The following CYB5A variants were observed in gnomAD, a reference collection of about 807,000 sequenced individuals.
CYB5A encodes cytochrome b5.
A neutral mutation model predicts 16.2 loss-of-function variants in CYB5A; 10 were observed. The ratio of observed to expected loss-of-function variants is 0.62; its 90% confidence interval spans 0.38 to 1.04. The LOEUF is 1.04. Among genes scored for constraint, CYB5A ranks in the 50% least tolerant of loss-of-function variants. The pLI, the probability that CYB5A is intolerant of heterozygous loss-of-function variation, is 0.01. For synonymous variants in CYB5A, 62 were observed against 57.0 expected, an observed-to-expected ratio of 1.09 and a Z score of -0.40; for missense variants, 161 against 165.9, an observed-to-expected ratio of 0.97 and a Z score of 0.16.
chr18:74,276,559 CA>C (rs1454599273), intron 1 of CYB5A, among the ~76,000 whole-genome samples: 38 of 151,592 alleles, frequency 2.5e-4, no homozygotes, highest in African/African-American at 8.5e-4. Flanking sequence ...CACACACACA[CA>C]CACCCTTCTG....
chr18:74,271,386 T>C (rs1982661642), intron 1 of CYB5A, among the ~76,000 whole-genome samples: 1 of 152,140 alleles, frequency 6.6e-6, no homozygotes, highest in Admixed American at 6.6e-5. Context: ...TGAGTGACTT[T>C]CCCTGAGGGC....
intron 1 of CYB5A, among the ~76,000 whole-genome samples, chr18:74,289,776 CAAAAAAAAA>C (rs531814328): frequency 2.2e-5 from 2 of 91,216 alleles, no homozygotes; most frequent in African/African-American, 8.0e-5. Flanking sequence ...AACTCTGTCT[CAAAAAAAAA>C]AAAAAAAAAA....
At chr18:74,270,345 A>G (rs1568219071) in intron 1 of CYB5A, among the ~76,000 whole-genome samples, 1 of 152,128 alleles carries the variant, frequency 6.6e-6, no homozygotes, top group Non-Finnish European at 1.5e-5. Context: ...GCTTGAGGCA[A>G]GAAGTTCAAT....
At chr18:74,288,994 G>A (rs865900521) in intron 1 of CYB5A, among the ~76,000 whole-genome samples, 1 of 152,160 alleles carries the variant, frequency 6.6e-6, no homozygotes, top group Non-Finnish European at 1.5e-5. Context: ...AGGCAGAAAC[G>A]CATGCAGTTC....
chr18:74,264,516 C>T (rs1982355826), intron 1 of CYB5A, among the ~76,000 whole-genome samples: 2 of 152,156 alleles, frequency 1.3e-5, no homozygotes, highest in Non-Finnish European at 2.9e-5. Flanking sequence ...CTCTGGAAAG[C>T]ACCCTGCGTG....
At chr18:74,274,888 A>T (rs1982806825) in intron 1 of CYB5A, among the ~76,000 whole-genome samples, 1 of 152,232 alleles carries the variant, frequency 6.6e-6, no homozygotes, top group Non-Finnish European at 1.5e-5. Context: ...AATTGACAGC[A>T]GAGGCTTCCG....
intron 1 of CYB5A, among the ~76,000 whole-genome samples, chr18:74,265,192 G>A (rs1289122415): frequency 2.0e-5 from 3 of 152,150 alleles, no homozygotes. Flanking sequence ...AACATACCTA[G>A]TGCTAAGGAC....
chr18:74,263,284 G>A, intron 2 of CYB5A, 65 bp downstream of exon 2: 2 of 1,605,370 alleles, frequency 1.2e-6, no homozygotes, highest in Non-Finnish European at 1.7e-6. Flanking sequence ...CAAGCTTACA[G>A]ACTAGGGTAA....
At chr18:74,288,269 C>A (rs1573485) in intron 1 of CYB5A, among the ~76,000 whole-genome samples, 4,534 of 152,304 alleles carry the variant, frequency 0.03, 184 homozygotes, top group East Asian at 0.18. Flanking sequence ...CACCATCTCA[C>A]CACACACCTT....
chr18:74,278,809 G>T (rs1297131257), intron 1 of CYB5A, among the ~76,000 whole-genome samples: 1 of 152,208 alleles, frequency 6.6e-6, no homozygotes, highest in African/African-American at 2.4e-5. Flanking sequence ...TTTTAGAACT[G>T]AATTAGTAAA....
intron 1 of CYB5A, among the ~76,000 whole-genome samples, chr18:74,282,442 G>A (rs1983150941): frequency 6.6e-6 from 1 of 152,132 alleles, no homozygotes; most frequent in Non-Finnish European, 1.5e-5. Context: ...ACAGAGCAGG[G>A]GCTCGTATCT....
chr18:74,264,713 G>T (rs552189935), intron 1 of CYB5A, among the ~76,000 whole-genome samples: 3 of 152,304 alleles, frequency 2.0e-5, no homozygotes, highest in South Asian at 4.1e-4. Context: ...GGGGAGAGGC[G>T]GGAAGAGCCT....
Position 74,252,035 on chromosome 18 carries a change from T to C in CYB5A, c.*1549A>G, listed in dbSNP as rs1981789986. ...TAGCTAAAAATCACAACCAAAAATA[T>C]TGAAATATTTACATAGGTCCCTTAA... On this transcript the variant is annotated 3_prime_UTR_variant, in exon 5 of 5. Transcript: ENST00000340533. The C allele has an allele frequency of 6.6e-6, 1 of 152,208 alleles. No individual in the cohort carries two copies. Among genetic ancestry groups the C allele is most frequent in the East Asian group, 1.9e-4 (1 of 5,200 alleles). 9.4% of individuals were successfully genotyped at this position (152,208 alleles called of 1,614,324 possible).
intron 1 of CYB5A, among the ~76,000 whole-genome samples, chr18:74,281,513 G>T (rs1377957275): frequency 6.6e-6 from 1 of 152,134 alleles, no homozygotes; most frequent in African/African-American, 2.4e-5. Context: ...ACCCAGGAGG[G>T]TGAGCATCTA....
chr18:74,253,282 G>A lies in CYB5A; in HGVS notation c.*302C>T. The A allele has an allele frequency of 2.8e-6, 1 of 351,584 alleles. No homozygotes were observed. The highest frequency in any genetic ancestry group is 2.3e-5 in the South Asian group (1 of 43,780). The allele number at this position is 351,584 out of a possible 1,614,324, so 21.8% of individuals were successfully genotyped here. On this transcript the variant is annotated 3_prime_UTR_variant, in exon 5 of 5. Coordinates refer to ENST00000340533, the MANE Select transcript of CYB5A (RefSeq NM_148923.4). ...TTAAAGACAATTATACACCAAACAG[G>A]CAAACACGGTGCATACTTTAAAAGC...
At chr18:74,277,007 T>C (rs1982908113) in intron 1 of CYB5A, among the ~76,000 whole-genome samples, 1 of 152,216 alleles carries the variant, frequency 6.6e-6, no homozygotes, top group African/African-American at 2.4e-5. Context: ...GGATCTTTCA[T>C]TCCAAATGCT....
At chr18:74,289,233 T>C (rs898721369) in intron 1 of CYB5A, among the ~76,000 whole-genome samples, 1 of 152,244 alleles carries the variant, frequency 6.6e-6, no homozygotes, top group Non-Finnish European at 1.5e-5. Flanking sequence ...ACTCAAGAGC[T>C]TGCTCTCATC....
intron 1 of CYB5A, among the ~76,000 whole-genome samples, chr18:74,280,976 G>A (rs1308993921): frequency 6.6e-6 from 1 of 152,174 alleles, no homozygotes; most frequent in African/African-American, 2.4e-5. Context: ...CTATTATGGT[G>A]AGAATATGCT....
At chr18:74,265,701 T>C (rs529832554) in intron 1 of CYB5A, among the ~76,000 whole-genome samples, 10 of 152,358 alleles carry the variant, frequency 6.6e-5, no homozygotes, top group African/African-American at 2.4e-4. Flanking sequence ...GCTCGGCCTC[T>C]GGTGAGGCCT....
Sources: gnomAD v4.1 joint callset for allele counts (sites outside exome capture counted in the v4.1 genomes callset) on GRCh38, gnomAD v4.1.1 for gene constraint, MANE v1.5 for transcripts, NCBI Gene and HGNC (gene_info 2026-07-23, HGNC 2026-07-21) for gene names.